Variants in ACVR1 observed in about 807,000 individuals in gnomAD.
ACVR1 encodes activin receptor type-1.
Under a neutral mutation model 57.1 loss-of-function variants are expected in ACVR1, and 38 were observed. That is an observed-to-expected ratio of 0.67 (90% CI 0.51 to 0.87). ACVR1 has a LOEUF of 0.87. ACVR1 is among the 40% of genes least tolerant of loss of function. The pLI is 0.00. For missense variants in ACVR1, 463 were observed against 638.2 expected, an observed-to-expected ratio of 0.73 and a Z score of 2.96; for synonymous variants, 212 against 228.1, an observed-to-expected ratio of 0.93 and a Z score of 0.63.
intron 9 of ACVR1, among the ~76,000 whole-genome samples, chr2:157,745,733 G>A (rs1043761366): frequency 1.3e-5 from 2 of 152,040 alleles, no homozygotes; most frequent in African/African-American, 4.8e-5. Context: ...ATCCTCTTAT[G>A]CAAACCTTAA....
chr2:157,783,332 G>A (rs1332840461), intron 3 of ACVR1, among the ~76,000 whole-genome samples: 5 of 152,174 alleles, frequency 3.3e-5, no homozygotes, highest in African/African-American at 1.2e-4. Context: ...GCTGTGCAGG[G>A]AGCCTGGCAG....
At chr2:157,874,569 A>G (rs761155443) in intron 1 of ACVR1, among the ~76,000 whole-genome samples, 7 of 152,212 alleles carry the variant, frequency 4.6e-5, no homozygotes, top group Non-Finnish European at 1.0e-4. Context: ...CGCCACTTGG[A>G]TCAGCCCATC....
At chr2:157,777,293 G>A (rs1146036) in intron 5 of ACVR1, among the ~76,000 whole-genome samples, 121,550 of 152,194 alleles carry the variant, frequency 0.8, 48,578 homozygotes, top group East Asian at 0.93. Context: ...GTGCAGTCCA[G>A]CGGGTTAATC....
At chr2:157,819,487 ACT>A (rs1266273604) in intron 1 of ACVR1, 1 of 98,550 alleles carries the variant, frequency 1.0e-5, no homozygotes, top group Non-Finnish European at 2.1e-5. Context: ...CAAGAGCGAA[ACT>A]CTGTCTCAAA....
intron 6 of ACVR1, among the ~76,000 whole-genome samples, chr2:157,772,946 C>T (rs1208100451): frequency 2.6e-5 from 4 of 152,188 alleles, no homozygotes; most frequent in East Asian, 1.9e-4. Context: ...TGCCCTTCCC[C>T]GTTTCTACTA....
chr2:157,765,721 A>G (rs1685837608), intron 8 of ACVR1, among the ~76,000 whole-genome samples, 200 bp downstream of exon 8: 2 of 152,242 alleles, frequency 1.3e-5, no homozygotes, highest in Admixed American at 1.3e-4. Flanking sequence ...ATAGATGAAT[A>G]AATACATAAT....
chr2:157,821,767 A>G (rs1688168802), intron 1 of ACVR1, among the ~76,000 whole-genome samples: 1 of 152,196 alleles, frequency 6.6e-6, no homozygotes, highest in Non-Finnish European at 1.5e-5. Context: ...GGCCATGAAG[A>G]AGGAGAAGGA....
chr2:157,756,943 T>C (rs1437824399), intron 9 of ACVR1, among the ~76,000 whole-genome samples: 1 of 148,774 alleles, frequency 6.7e-6, no homozygotes, highest in Non-Finnish European at 1.5e-5. Flanking sequence ...GTGAGCTATC[T>C]ATCTATCTAC....
intron 1 of ACVR1, among the ~76,000 whole-genome samples, chr2:157,864,258 A>G (rs1689838375): frequency 6.6e-6 from 1 of 151,606 alleles, no homozygotes; most frequent in Non-Finnish European, 1.5e-5. Context: ...CCCAGCCTGT[A>G]TGGGGTACAG....
At chr2:157,857,167 C>T (rs936651005) in intron 1 of ACVR1, among the ~76,000 whole-genome samples, 2 of 152,042 alleles carry the variant, frequency 1.3e-5, no homozygotes, top group South Asian at 2.1e-4. Flanking sequence ...CACTGCAATC[C>T]AGCCTGGGTG....
intron 2 of ACVR1, among the ~76,000 whole-genome samples, chr2:157,815,478 C>A (rs987432086): frequency 3.3e-5 from 5 of 152,134 alleles, no homozygotes; most frequent in African/African-American, 1.2e-4. Context: ...TACCGGAAAA[C>A]TTCTCTGGTG....
chr2:157,739,433 T>G (rs1684664299), intron 9 of ACVR1, among the ~76,000 whole-genome samples: 1 of 152,182 alleles, frequency 6.6e-6, no homozygotes, highest in Admixed American at 6.5e-5. Context: ...ACAGAAAAAT[T>G]TTTAACTTCA....
At chr2:157,835,244 T>A (rs1006914676) in intron 1 of ACVR1, among the ~76,000 whole-genome samples, 1 of 152,182 alleles carries the variant, frequency 6.6e-6, no homozygotes, top group Non-Finnish European at 1.5e-5. Context: ...CTGAGCCAGT[T>A]AGAACTGCGG....
intron 1 of ACVR1, among the ~76,000 whole-genome samples, chr2:157,852,189 G>C (rs1170796772): frequency 6.6e-6 from 1 of 151,768 alleles, no homozygotes; most frequent in African/African-American, 2.4e-5. Context: ...TGGGGAGAAA[G>C]AACAGAGTTG....
chr2:157,783,643 A>C (rs1171062971), intron 3 of ACVR1, among the ~76,000 whole-genome samples: 2 of 152,192 alleles, frequency 1.3e-5, no homozygotes, highest in African/African-American at 4.8e-5. Flanking sequence ...CTGGGGAAAA[A>C]GGCAAGGAAA....
intron 3 of ACVR1, among the ~76,000 whole-genome samples, chr2:157,798,294 T>A (rs573307645): frequency 9.5e-4 from 144 of 151,878 alleles, no homozygotes; most frequent in African/African-American, 3.2e-3. Context: ...ACGGTTCTGG[T>A]TTTTTTTAAT....
At chr2:157,826,755 GGAAA>G (rs1559080586) in intron 1 of ACVR1, 5 of 97,844 alleles carry the variant, frequency 5.1e-5, no homozygotes, top group Middle Eastern at 5.7e-3. Context: ...GGAAAGGAAA[GGAAA>G]GGAAAGGAAA....
At chr2:157,808,384 A>G (rs961496582) in intron 2 of ACVR1, among the ~76,000 whole-genome samples, 1 of 152,188 alleles carries the variant, frequency 6.6e-6, no homozygotes, top group Non-Finnish European at 1.5e-5. Flanking sequence ...TATATAGCCT[A>G]GCAAGGAAAT....
intron 1 of ACVR1, among the ~76,000 whole-genome samples, chr2:157,854,460 C>T (rs577555943): frequency 1.2e-4 from 18 of 152,294 alleles, no homozygotes; most frequent in Admixed American, 5.2e-4. Context: ...CAGTGGCTCA[C>T]GCCTGTAATC....
Sources: allele counts gnomAD v4.1 joint callset (sites outside exome capture counted in the v4.1 genomes callset), GRCh38; gene constraint gnomAD v4.1.1; transcripts MANE v1.5; gene names NCBI Gene and HGNC (gene_info 2026-07-23, HGNC 2026-07-21).